Variants in TAPT1 observed in about 807,000 individuals in gnomAD.
TAPT1 encodes transmembrane anterior posterior transformation protein 1 homolog.
In TAPT1, 28 loss-of-function variants were observed where a neutral mutation model predicts 65.6. That is an observed-to-expected ratio of 0.43 (90% confidence interval 0.32 to 0.59). The LOEUF (loss-of-function observed/expected upper bound fraction) is 0.59. TAPT1 is among the 20% of genes least tolerant of loss of function. TAPT1 has a pLI of 0.09. For missense variants in TAPT1, 563 were observed against 679.9 expected (o/e 0.83, Z 1.91); for synonymous variants, 278 against 245.2 (o/e 1.13, Z -1.25).
At chr4:16,168,920 G>A (rs1747813783) in intron 12 of TAPT1, among the ~76,000 whole-genome samples, 1 of 152,246 alleles carries the variant, frequency 6.6e-6, no homozygotes, top group African/African-American at 2.4e-5. Context: ...TGAGTCTGGA[G>A]GGAAAGAGGA....
At position 16,161,446 on chromosome 4, in the gene TAPT1, G is replaced by A. The variant is rs1052674845; in HGVS notation, c.*1862C>T. 4 of 152,560 alleles carry A rather than the reference G, an allele frequency of 2.6e-5. No homozygotes were observed. The highest frequency in any genetic ancestry group is 9.7e-5 in the African/African-American group (4 of 41,434). 9.5% of individuals were successfully genotyped at this position (152,560 alleles called of 1,614,324 possible). On this transcript the variant is annotated 3_prime_UTR_variant, in exon 14 of 14. Transcript: ENST00000405303. The stretch of plus-strand genomic sequence containing the variant: ...ATGGAAATCTTCTGAAAATGACAGC[G>A]CAGTAACAGAATAATTCAAGCGGAA...
At chr4:16,174,388 C>G (rs1276179964) in intron 10 of TAPT1, 116 bp from the exon 11 acceptor site, 18 of 860,892 alleles carry the variant, frequency 2.1e-5, no homozygotes, top group Non-Finnish European at 3.2e-5. Flanking sequence ...GGAGCAAGAA[C>G]AGAACCTGGC....
chr4:16,163,353 C>T lies in TAPT1; in HGVS notation c.1659G>A (p.Leu553=), dbSNP rs763050545. The change falls in exon 14 of 14, where the codon TTG becomes TTA. Residue 553 remains leucine (L), a synonymous_variant. Transcript: ENST00000405303. ...AAATTGTGAACCTGTCTATCTCTAACAAATCTTTCTTTGAGGATCTGTGTT... is the reference window on the plus strand; with the variant it reads ...AAATTGTGAACCTGTCTATCTCTAATAAATCTTTCTTTGAGGATCTGTGTT... ...ELKHRSSKKD[L]LEIDRFTICG... 3 of 1,614,012 alleles carry T rather than the reference C, an allele frequency of 1.9e-6. No homozygotes were observed. Among genetic ancestry groups the T allele is most frequent in the South Asian group, 2.2e-5 (2 of 91,076 alleles).
intron 5 of TAPT1, among the ~76,000 whole-genome samples, 152 bp downstream of exon 5, chr4:16,188,064 ACAAT>A (rs1749129680): frequency 6.6e-6 from 1 of 152,246 alleles, no homozygotes; most frequent in South Asian, 2.1e-4. Context: ...AGTTATTATG[ACAAT>A]CAATTTCTCA....
chr4:16,163,554 C>G lies in TAPT1; in HGVS notation c.1475-17G>C. ...TGGAAAGGCCTGTGATAAAATAGAT[C>G]CATTAAATTAGAGAAAGACTTTTCT... On this transcript the variant is annotated splice_polypyrimidine_tract_variant and intron_variant, in intron 13 of 13. Coordinates refer to ENST00000405303, the MANE Select transcript of TAPT1 (RefSeq NM_153365.3). 2 of 1,569,758 alleles carry G rather than the reference C, an allele frequency of 1.3e-6. No individual in the cohort carries two copies. The highest frequency in any genetic ancestry group is 1.7e-6 in the Non-Finnish European group (2 of 1,144,484).
At chr4:16,219,318 T>C (rs542553541) in intron 1 of TAPT1, among the ~76,000 whole-genome samples, 1 of 146,888 alleles carries the variant, frequency 6.8e-6, no homozygotes, top group Non-Finnish European at 1.5e-5. Flanking sequence ...AGGAGCCCTC[T>C]GTCCCTCCCC....
rs765533414 is a variant in TAPT1 at position 16,162,954 on chromosome 4, T to C, written c.*354A>G. 1.7e-5 allele frequency: 8 copies of C among 465,630 alleles called. No individual in the cohort carries two copies. The highest frequency in any genetic ancestry group is 9.3e-5 in the South Asian group (6 of 64,512). The allele number at this position is 465,630 out of a possible 1,614,324, so 28.8% of individuals were successfully genotyped here. On this transcript the variant is annotated 3_prime_UTR_variant, in exon 14 of 14. Transcript: ENST00000405303. Reference sequence around the variant, plus strand: ...CAGTTTTCCAGGTATTTCCTTATACTGAAGAGGCCTTGAGGCAAATTCAAC... The same window carrying C: ...CAGTTTTCCAGGTATTTCCTTATACCGAAGAGGCCTTGAGGCAAATTCAAC...
intron 7 of TAPT1, 131 bp from the exon 8 acceptor site, chr4:16,179,788 T>TTATATATATATATATATGTGTGTATA (rs757324466): frequency 1.2e-5 from 5 of 424,614 alleles, no homozygotes; most frequent in African/African-American, 1.2e-4. Context: ...ATATACAACT[T>TTATATATATATATATATGTGTGTATA]TATATATATA....
chr4:16,186,390 G>C, intron 7 of TAPT1, 145 bp downstream of exon 7: 1 of 558,636 alleles, frequency 1.8e-6, no homozygotes. Flanking sequence ...CCAAAAATAA[G>C]AAAACCTAGT....
rs1201003725 is a variant in TAPT1, at chr4:16,179,608, T to C, written c.966A>G (p.Leu322=). 5 of 1,538,296 alleles carry C rather than the reference T, an allele frequency of 3.3e-6. No homozygotes were observed. In the South Asian group the frequency reaches 6.2e-5, roughly 19 times the overall value. Residue 322 remains leucine, a synonymous_variant, in exon 8 of 14, where the codon CTA becomes CTG. Transcript: ENST00000405303. ...TCCAAGAAAACTGTTCCATGTTTCT[T>C]AGACACACTATCAGTAAAAGCACAT... ...TNYVLLLIVC[L]RNMEQFSWNP...
rs1016788100 is a variant in TAPT1 at position 16,166,140 on chromosome 4, G to A, written c.1474+493C>T. Among the ~76,000 whole-genome samples the A allele has an allele frequency of 3.3e-5, 5 of 152,230 alleles. No homozygotes were observed. The East Asian group carries it at 7.7e-4, about 24-fold the overall frequency. On this transcript the variant is annotated intron_variant, in intron 13 of 13. Coordinates refer to ENST00000405303, the MANE Select transcript of TAPT1 (RefSeq NM_153365.3). ...CCTTGGTGCCTTTGCTGGGCCTGCCGGGCCTCTGCCTGGGAGCTGCTCCTG... is the reference window on the plus strand; with the variant it reads ...CCTTGGTGCCTTTGCTGGGCCTGCCAGGCCTCTGCCTGGGAGCTGCTCCTG...
In TAPT1 at chr4:16,170,792, T is replaced by C. The variant is rs1191786334; in HGVS notation, c.1237-63A>G. ...ACAGAACACACAACCACAGAGTTAT[T>C]AGTTAATACTTAAAAAGATTTCTCC... On this transcript the variant is annotated intron_variant, in intron 11 of 13. Transcript: ENST00000405303. The C allele has an allele frequency of 3.3e-6, 4 of 1,226,818 alleles. No homozygotes were observed. In the East Asian group the frequency reaches 7.1e-5, roughly 22 times the overall value. The allele number at this position is 1,226,818 out of a possible 1,614,324, so 76.0% of individuals were successfully genotyped here.
intron 10 of TAPT1, 24 bp downstream of exon 10, chr4:16,174,646 A>C: frequency 6.4e-7 from 1 of 1,568,126 alleles, no homozygotes; most frequent in Non-Finnish European, 8.7e-7. Context: ...TTAATTTCAG[A>C]CTACGCCCTT....
chr4:16,166,927 C>G (rs1747669672), intron 12 of TAPT1, 134 bp from the exon 13 acceptor site: 8 of 772,682 alleles, frequency 1.0e-5, no homozygotes, highest in Non-Finnish European at 1.6e-5. Context: ...GAGGAACTTA[C>G]ACAAATCTTG....
At chr4:16,186,683 G>A (rs1484922781) in intron 6 of TAPT1, 79 bp from the exon 7 acceptor site, 18 of 1,363,732 alleles carry the variant, frequency 1.3e-5, no homozygotes, top group Middle Eastern at 1.9e-4. Context: ...AAACTTCCGG[G>A]AGAACAACAT....
Position 16,176,173 on chromosome 4 carries a change from G to C in TAPT1, c.1053C>G (p.Ala351=). The change falls in exon 9 of 14, where the codon GCC becomes GCG. Residue 351 remains alanine (A), a synonymous_variant. Coordinates refer to ENST00000405303, the MANE Select transcript of TAPT1 (RefSeq NM_153365.3). ...DVCMVIASEI[A]VDIVKHAFIT... ...TAAAGGCATGTTTTACAATATCCAC[G>C]GCAATTTCTGATGCAATTACCATAC... 1 of 1,577,256 alleles carries C rather than the reference G, an allele frequency of 6.3e-7. No homozygotes were observed. The highest frequency in any genetic ancestry group is 8.6e-7 in the Non-Finnish European group (1 of 1,160,232).
chr4:16,216,678 T>G (rs1750959511), intron 1 of TAPT1, among the ~76,000 whole-genome samples: 1 of 152,166 alleles, frequency 6.6e-6, no homozygotes, highest in Non-Finnish European at 1.5e-5. Context: ...ATTCTTCCTT[T>G]AAAACATTAA....
intron 4 of TAPT1, among the ~76,000 whole-genome samples, chr4:16,189,467 T>A (rs1749225320): frequency 6.6e-6 from 1 of 152,250 alleles, no homozygotes; most frequent in African/African-American, 2.4e-5. Context: ...GAATAACAGC[T>A]ACCATTTAGG....
intron 2 of TAPT1, among the ~76,000 whole-genome samples, chr4:16,212,033 A>G (rs1578475951): frequency 6.6e-6 from 1 of 152,324 alleles, no homozygotes; most frequent in South Asian, 2.1e-4. Context: ...GAAGCGTGAA[A>G]CCAGCCTGTC....
Sources: allele counts gnomAD v4.1 joint callset (sites outside exome capture counted in the v4.1 genomes callset), GRCh38; gene constraint gnomAD v4.1.1; transcripts MANE v1.5; gene names NCBI Gene and HGNC (gene_info 2026-07-23, HGNC 2026-07-21).